The following CAST variants were observed in gnomAD, a reference collection of about 807,000 sequenced individuals.
CAST encodes MIR583 host.
In CAST, 76 loss-of-function variants were observed where a neutral mutation model predicts 119.6. The observed-to-expected ratio is 0.64, with a 90% CI of 0.53 to 0.77. The LOEUF is 0.77. Among genes scored for constraint, CAST ranks in the 30% least tolerant of loss-of-function variants. The pLI is 0.00. For missense variants in CAST, 953 were observed against 946.5 expected, an observed-to-expected ratio of 1.01 and a Z score of -0.09; for synonymous variants, 319 against 331.6, an observed-to-expected ratio of 0.96 and a Z score of 0.41.
chr5:96,376,493 T>A, the CAST span, among the ~76,000 whole-genome samples: 5 of 151,992 alleles, frequency 3.3e-5, no homozygotes, highest in South Asian at 1.0e-3. Flanking sequence ...CAGGCTGGAG[T>A]GCAGTGGTGC....
the CAST span, chr5:96,429,309 T>G: frequency 6.5e-7 from 1 of 1,536,686 alleles, no homozygotes; most frequent in Non-Finnish European, 9.0e-7. Flanking sequence ...GATTTTCAAG[T>G]GAACCAATCT....
rs1773710209 is a variant in CAST, at chr5:96,774,665, A to AAAAT, written c.*2051_*2054dup. ...TCAAGGCATAAAATACAATTAAAGC[A>AAAAT]AAATATTTTACATTAAAATCTTGGT... On this transcript the variant is annotated 3_prime_UTR_variant, in exon 32 of 32. Coordinates refer to ENST00000675179, the MANE Select transcript of CAST (RefSeq NM_001750.7). 1 of 983,784 alleles carries AAAAT rather than the reference A, an allele frequency of 1.0e-6. No homozygotes were observed. The highest frequency in any genetic ancestry group is 1.7e-5 in the African/African-American group (1 of 57,238). The allele number at this position is 983,784 out of a possible 1,614,324, so 60.9% of individuals were successfully genotyped here.
At chr5:96,221,256 G>T in the CAST span, among the ~76,000 whole-genome samples, 1 of 152,124 alleles carries the variant, frequency 6.6e-6, no homozygotes, top group African/African-American at 2.4e-5. Flanking sequence ...AATACTGGAA[G>T]TCCTAGCCAG....
chr5:96,241,066 TTTA>T, the CAST span, among the ~76,000 whole-genome samples: 7 of 152,176 alleles, frequency 4.6e-5, no homozygotes, highest in South Asian at 4.2e-4. Flanking sequence ...TTTTTTTAAA[TTTA>T]TTATTATTAT....
the CAST span, among the ~76,000 whole-genome samples, chr5:96,464,497 A>G: frequency 1.3e-5 from 2 of 152,058 alleles, no homozygotes; most frequent in African/African-American, 4.8e-5. Context: ...CCAGTATACT[A>G]GAGATTTTTC....
chr5:96,204,305 T>C, the CAST span, among the ~76,000 whole-genome samples: 37 of 152,170 alleles, frequency 2.4e-4, no homozygotes, highest in South Asian at 2.9e-3. Flanking sequence ...TGTTTCCTGA[T>C]GTTTTATTTA....
At chr5:96,463,821 C>T in the CAST span, among the ~76,000 whole-genome samples, 1 of 152,078 alleles carries the variant, frequency 6.6e-6, no homozygotes, top group African/African-American at 2.4e-5. Context: ...TCCCCTTTAT[C>T]TTTCTTTCTT....
chr5:96,464,466 G>A, the CAST span, among the ~76,000 whole-genome samples: 4 of 151,950 alleles, frequency 2.6e-5, no homozygotes, highest in Non-Finnish European at 5.9e-5. Flanking sequence ...GTTTTACATA[G>A]TTCATTCTTA....
chr5:96,606,158 C>A (rs186923365), intron 1 of CAST, among the ~76,000 whole-genome samples: 2 of 151,502 alleles, frequency 1.3e-5, no homozygotes. Flanking sequence ...ATCACCTGAA[C>A]AACAACAACA....
chr5:96,347,187 A>G, the CAST span, among the ~76,000 whole-genome samples: 2 of 152,086 alleles, frequency 1.3e-5, no homozygotes, highest in African/African-American at 4.8e-5. Flanking sequence ...GACATTTACC[A>G]GTCAAGTCAT....
chr5:96,225,225 T>G, the CAST span, among the ~76,000 whole-genome samples: 1 of 152,234 alleles, frequency 6.6e-6, no homozygotes, highest in Non-Finnish European at 1.5e-5. Flanking sequence ...GCTATTTGTT[T>G]TTTTCCTTCC....
intron 1 of CAST, among the ~76,000 whole-genome samples, chr5:96,617,790 T>TAAAAAAAAAAA (rs1162873931): frequency 1.8e-4 from 4 of 21,998 alleles, no homozygotes; most frequent in African/African-American, 2.3e-4. Flanking sequence ...AAATTCCATC[T>TAAAAAAAAAAA]AAAAAAAAAA....
At chr5:96,188,515 G>A in the CAST span, among the ~76,000 whole-genome samples, 1 of 151,862 alleles carries the variant, frequency 6.6e-6, no homozygotes, top group African/African-American at 2.4e-5. Context: ...GTTTTTGGTT[G>A]TAACTTTTTC....
the CAST span, among the ~76,000 whole-genome samples, chr5:96,454,118 G>A: frequency 2.0e-5 from 3 of 151,926 alleles, no homozygotes; most frequent in Non-Finnish European, 4.4e-5. Flanking sequence ...CATATAAGAC[G>A]AGGTCTTAGA....
chr5:96,650,726 A>T (rs1200583380), intron 1 of CAST, among the ~76,000 whole-genome samples: 1 of 92,020 alleles, frequency 1.1e-5, no homozygotes, highest in Non-Finnish European at 2.1e-5. Flanking sequence ...TTACCCACTT[A>T]ATTGTGTGTG....
chr5:96,392,314 C>T, the CAST span: 2 of 152,286 alleles, frequency 1.3e-5, no homozygotes, highest in African/African-American at 4.8e-5. Context: ...ATAACCACCT[C>T]TGGATCCACG....
the CAST span, among the ~76,000 whole-genome samples, chr5:96,274,109 T>G: frequency 1.3e-5 from 2 of 151,502 alleles, no homozygotes; most frequent in South Asian, 4.2e-4. Context: ...ATTTTTTTTT[T>G]TTTTCTTTTT....
the CAST span, among the ~76,000 whole-genome samples, chr5:95,992,082 A>G: frequency 1.3e-3 from 205 of 152,358 alleles, 1 homozygote; most frequent in African/African-American, 4.7e-3. Flanking sequence ...CTGGGAAATG[A>G]CATTAATAAT....
At chr5:96,368,952 C>T in the CAST span, among the ~76,000 whole-genome samples, 1 of 152,126 alleles carries the variant, frequency 6.6e-6, no homozygotes, top group South Asian at 2.1e-4. Context: ...TTGCATGAAA[C>T]CTGTTTTCTC....
Sources: allele counts gnomAD v4.1 joint callset (sites outside exome capture counted in the v4.1 genomes callset), GRCh38; gene constraint gnomAD v4.1.1; transcripts MANE v1.5; gene names NCBI Gene and HGNC (gene_info 2026-07-23, HGNC 2026-07-21).